CELF1: variants seen among roughly 807,000 people sequenced by gnomAD.
CELF1 encodes the protein CUGBP Elav-like family member 1.
Under a neutral mutation model 61.8 loss-of-function variants are expected in CELF1, and 10 were observed. That is an observed-to-expected ratio of 0.16 (90% CI 0.10 to 0.27). CELF1 has a LOEUF of 0.27. Among genes scored for constraint, CELF1 ranks in the 10% least tolerant of loss-of-function variants. CELF1 has a pLI of 1.00. For synonymous variants in CELF1, 236 were observed against 225.1 expected (o/e 1.05, Z -0.43); for missense variants, 380 against 639.1 (o/e 0.59, Z 4.37).
At chr11:47,477,558 A>T (rs538620559) in intron 10 of CELF1, 133 bp from the exon 11 acceptor site, 2 of 815,402 alleles carry the variant, frequency 2.5e-6, no homozygotes, top group East Asian at 2.5e-5. Flanking sequence ...CTTACAAACA[A>T]CATTACAGGG....
intron 1 of CELF1, among the ~76,000 whole-genome samples, chr11:47,531,244 AAACAACAAC>A (rs553113820): frequency 2.0e-3 from 300 of 151,420 alleles, no homozygotes; most frequent in Middle Eastern, 0.014. Context: ...CTCCGAATCA[AAACAACAAC>A]AACAACAACA....
chr11:47,502,011 T>G (rs901169130), intron 1 of CELF1, among the ~76,000 whole-genome samples: 8 of 152,176 alleles, frequency 5.3e-5, no homozygotes, highest in African/African-American at 1.9e-4. Context: ...CCAGGCACTG[T>G]CCAATGTATG....
intron 2 of CELF1, among the ~76,000 whole-genome samples, chr11:47,558,694 A>G (rs796865583): frequency 3.8e-5 from 4 of 106,358 alleles, no homozygotes; most frequent in African/African-American, 1.1e-4. Flanking sequence ...ATTATATATA[A>G]TATATGTCAT....
intron 9 of CELF1, 182 bp downstream of exon 9, chr11:47,482,513 C>T (rs931818107): frequency 2.1e-6 from 1 of 465,562 alleles, no homozygotes; most frequent in Non-Finnish European, 3.7e-6. Flanking sequence ...TCCAGAGATA[C>T]ATATATATAG....
At chr11:47,523,917 A>G (rs1043554061) in intron 1 of CELF1, 1 of 152,228 alleles carries the variant, frequency 6.6e-6, no homozygotes, top group African/African-American at 2.4e-5. Context: ...ATACAGTAAC[A>G]AACCCAGTAT....
chr11:47,541,175 A>G (rs2096764303), intron 1 of CELF1, among the ~76,000 whole-genome samples: 2 of 152,166 alleles, frequency 1.3e-5, no homozygotes, highest in South Asian at 4.1e-4. Flanking sequence ...AATTAACAAA[A>G]ACTTAACAGA....
intron 2 of CELF1, among the ~76,000 whole-genome samples, chr11:47,558,431 T>C (rs939883711): frequency 1.5e-5 from 2 of 133,064 alleles, no homozygotes; most frequent in African/African-American, 5.9e-5. Context: ...GAAACCCTCA[T>C]ATATATATTA....
intron 1 of CELF1, among the ~76,000 whole-genome samples, chr11:47,539,824 C>T (rs550603831): frequency 6.6e-6 from 1 of 152,172 alleles, no homozygotes; most frequent in Non-Finnish European, 1.5e-5. Flanking sequence ...TGCTTCTTTC[C>T]AGATGAAATC....
At chr11:47,475,305 A>T in intron 13 of CELF1, 31 bp downstream of exon 13, 1 of 1,610,226 alleles carries the variant, frequency 6.2e-7, no homozygotes, top group Non-Finnish European at 8.5e-7. Context: ...ACCGCCCCCC[A>T]TACCTGACCC....
At chr11:47,517,278 AAG>A (rs2095612141) in intron 1 of CELF1, among the ~76,000 whole-genome samples, 1 of 151,800 alleles carries the variant, frequency 6.6e-6, no homozygotes, top group Non-Finnish European at 1.5e-5. Context: ...AAAAAAAAAA[AAG>A]ACATGCCCTT....
chr11:47,502,502 G>A (rs772298723), intron 1 of CELF1, among the ~76,000 whole-genome samples: 4 of 152,124 alleles, frequency 2.6e-5, no homozygotes, highest in South Asian at 2.1e-4. Flanking sequence ...AAAACTGCCC[G>A]TGTGTGCGTG....
chr11:47,556,029 A>T (rs2097204973), upstream of CELF1, among the ~76,000 whole-genome samples: 1 of 149,376 alleles, frequency 6.7e-6, no homozygotes. Flanking sequence ...AGCCAGTGTT[A>T]GTAAGAGTGC....
chr11:47,554,091 T>C (rs1184161832), upstream of CELF1, among the ~76,000 whole-genome samples: 2 of 152,098 alleles, frequency 1.3e-5, no homozygotes, highest in Middle Eastern at 3.2e-3. Flanking sequence ...GAGAATATAA[T>C]TTTTATACCC....
At chr11:47,539,975 T>A (rs1270454246) in intron 1 of CELF1, among the ~76,000 whole-genome samples, 1 of 152,198 alleles carries the variant, frequency 6.6e-6, no homozygotes, top group Non-Finnish European at 1.5e-5. Context: ...GACTTGAATC[T>A]CAGTTCTAAT....
rs1308437154 is a variant in CELF1 at position 47,510,391 on chromosome 11, G to GTGCTAGATC, written c.-153-9468_-153-9460dup. Among the ~76,000 whole-genome samples the GTGCTAGATC allele has an allele frequency of 2.0e-5, 3 of 152,232 alleles. No homozygotes were observed. In the South Asian group the frequency reaches 6.2e-4, roughly 32 times the overall value. On this transcript the variant is annotated intron_variant, in intron 1 of 14. Coordinates refer to ENST00000687097, the MANE Select transcript of CELF1 (RefSeq NM_001376376.1). ...ACCATCAGCAGCTCTTACATAGCAC[G>GTGCTAGATC]TGCTAGATCACAAAGTCCAGAGACA... is the stretch of plus-strand genomic sequence containing the variant.
intron 4 of CELF1, among the ~76,000 whole-genome samples, chr11:47,488,294 C>A (rs942362899): frequency 1.3e-5 from 2 of 152,208 alleles, no homozygotes; most frequent in African/African-American, 4.8e-5. Context: ...CTCCGCCTTT[C>A]CTCTCCTGTT....
upstream of CELF1, among the ~76,000 whole-genome samples, chr11:47,555,303 A>G (rs748887048): frequency 3.3e-5 from 5 of 152,240 alleles, no homozygotes; most frequent in Admixed American, 6.5e-5. Context: ...TTTCTTGAAG[A>G]GCAAACAGAA....
intron 1 of CELF1, among the ~76,000 whole-genome samples, chr11:47,542,949 G>C (rs913481083): frequency 6.6e-6 from 1 of 151,712 alleles, no homozygotes; most frequent in Admixed American, 6.6e-5. Context: ...GAGAGATCCC[G>C]TCTCTACAAA....
At chr11:47,489,955 T>TTTTTTTTTTTTTTTTTTTTTTTG (rs71042675) in intron 3 of CELF1, among the ~76,000 whole-genome samples, 1 of 141,284 alleles carries the variant, frequency 7.1e-6, no homozygotes, top group Admixed American at 7.3e-5. Flanking sequence ...TTTTTTTTTT[T>TTTTTTTTTTTTTTTTTTTTTTTG]GAGACGGAAT....
Sources: allele counts gnomAD v4.1 joint callset (sites outside exome capture counted in the v4.1 genomes callset), GRCh38; gene constraint gnomAD v4.1.1; transcripts MANE v1.5; gene names NCBI Gene and HGNC (gene_info 2026-07-23, HGNC 2026-07-21).